SUCLG2: variants seen among roughly 807,000 people sequenced by gnomAD.
SUCLG2 encodes the protein succinate--CoA ligase [GDP-forming] subunit beta, mitochondrial.
Under a neutral mutation model 47.9 loss-of-function variants are expected in SUCLG2, and 42 were observed. The ratio of observed to expected loss-of-function variants is 0.88; its 90% CI spans 0.69 to 1.14. The LOEUF is 1.14. SUCLG2 is among the 50% of genes most tolerant of loss of function. SUCLG2 has a pLI of 0.00. For synonymous variants in SUCLG2, 195 were observed against 197.3 expected (o/e 0.99, Z 0.10); for missense variants, 571 against 525.9 (o/e 1.09, Z -0.84).
At chr3:67,413,962 G>GT (rs1702981524) in intron 9 of SUCLG2, among the ~76,000 whole-genome samples, 1 of 152,090 alleles carries the variant, frequency 6.6e-6, no homozygotes, top group African/African-American at 2.4e-5. Flanking sequence ...CCAAAAAATA[G>GT]TTTTTAACTT....
Position 67,418,280 on chromosome 3 carries a change from A to T in SUCLG2, c.1063-17429T>A, listed in dbSNP as rs559646275. On this transcript the variant is annotated intron_variant, in intron 9 of 10. Coordinates refer to ENST00000307227, the MANE Select transcript of SUCLG2 (RefSeq NM_003848.4). ...TGGTAAGTACTTATTAGCAGTCAGCAATTATTGCTACTCACTATTTACCTG... is the reference window on the plus strand; with the variant it reads ...TGGTAAGTACTTATTAGCAGTCAGCTATTATTGCTACTCACTATTTACCTG... Among the ~76,000 whole-genome samples, 5 of 152,306 alleles carry T rather than the reference A, an allele frequency of 3.3e-5. No individual in the cohort carries two copies. In the South Asian group the frequency reaches 1.0e-3, roughly 32 times the overall value.
At chr3:67,533,054 T>G (rs1445041620) in intron 2 of SUCLG2, among the ~76,000 whole-genome samples, 1 of 152,196 alleles carries the variant, frequency 6.6e-6, no homozygotes, top group African/African-American at 2.4e-5. Context: ...TAAAATGTGG[T>G]TCACTTAATT....
chr3:67,462,856 A>C (rs1250994584), intron 9 of SUCLG2, among the ~76,000 whole-genome samples: 1 of 152,188 alleles, frequency 6.6e-6, no homozygotes, highest in Non-Finnish European at 1.5e-5. Flanking sequence ...GATTATCTCC[A>C]GGTGGAGTGT....
At chr3:67,393,378 A>T (rs1002066177) in intron 10 of SUCLG2, among the ~76,000 whole-genome samples, 7 of 149,384 alleles carry the variant, frequency 4.7e-5, no homozygotes, top group African/African-American at 1.2e-4. Flanking sequence ...TATCCCGCAC[A>T]TGGCTCAGAG....
downstream of SUCLG2, among the ~76,000 whole-genome samples, chr3:67,374,058 T>A (rs1701988275): frequency 6.6e-6 from 1 of 152,220 alleles, no homozygotes; most frequent in Admixed American, 6.5e-5. Context: ...GATTCAAACA[T>A]AGTCCTCTTC....
chr3:67,552,983 C>A (rs1590874), intron 2 of SUCLG2, among the ~76,000 whole-genome samples: 39,229 of 152,082 alleles, frequency 0.26, 8,050 homozygotes, highest in African/African-American at 0.55. Context: ...AATCCACCCA[C>A]TAATCACATA....
intron 10 of SUCLG2, among the ~76,000 whole-genome samples, chr3:67,381,676 T>C (rs951928777): frequency 1.3e-5 from 2 of 152,184 alleles, no homozygotes; most frequent in African/African-American, 4.8e-5. Flanking sequence ...CTTCTTAATA[T>C]CTGCTTGTTG....
chr3:67,625,527 T>C (rs77971294), intron 1 of SUCLG2, among the ~76,000 whole-genome samples: 170 of 152,118 alleles, frequency 1.1e-3, no homozygotes, highest in African/African-American at 3.6e-3. Flanking sequence ...TCTAAACAAC[T>C]CTCCCTTATT....
downstream of SUCLG2, among the ~76,000 whole-genome samples, chr3:67,373,556 A>G (rs114397870): frequency 7.7e-3 from 1,170 of 152,256 alleles, 6 homozygotes; most frequent in Non-Finnish European, 0.013. Flanking sequence ...TTTATGGCCT[A>G]TATTTATTGT....
At position 67,395,248 on chromosome 3, in the gene SUCLG2, A is replaced by G. The variant is rs528972013; in HGVS notation, c.1183+5483T>C. Among the ~76,000 whole-genome samples the G allele has an allele frequency of 8.5e-3, 1,299 of 152,256 alleles. 15 individuals are homozygous for G. The highest frequency in any genetic ancestry group is 0.028 in the African/African-American group (1,180 of 41,526). Reference sequence around the variant, plus strand: ...CTGGCAAATTGGATAAAGAGTCAAGACCCATCAGTGTGCTGTATTCAGGAA... The same window carrying G: ...CTGGCAAATTGGATAAAGAGTCAAGGCCCATCAGTGTGCTGTATTCAGGAA... On this transcript the variant is annotated intron_variant, in intron 10 of 10. Coordinates refer to ENST00000307227, the MANE Select transcript of SUCLG2 (RefSeq NM_003848.4).
chr3:67,651,382 T>A (rs993322358), intron 1 of SUCLG2, among the ~76,000 whole-genome samples: 1 of 152,144 alleles, frequency 6.6e-6, no homozygotes, highest in Non-Finnish European at 1.5e-5. Flanking sequence ...TCTTTGCACT[T>A]GCTGTCTGCT....
chr3:67,461,617 C>T (rs992346990), intron 9 of SUCLG2, among the ~76,000 whole-genome samples: 3 of 151,818 alleles, frequency 2.0e-5, no homozygotes, highest in Admixed American at 6.6e-5. Flanking sequence ...AAACTAGTGT[C>T]ATTTTAGGCT....
At chr3:67,498,399 A>T in intron 7 of SUCLG2, 104 bp from the exon 8 acceptor site, 1 of 1,220,014 alleles carries the variant, frequency 8.2e-7, no homozygotes, top group Non-Finnish European at 1.1e-6. Flanking sequence ...AAGTACTGTC[A>T]TTTTTTTTCA....
At chr3:67,483,505 T>C (rs965363827) in intron 9 of SUCLG2, among the ~76,000 whole-genome samples, 2 of 152,192 alleles carry the variant, frequency 1.3e-5, no homozygotes, top group Non-Finnish European at 2.9e-5. Context: ...TATTTCAAAC[T>C]AGCAGACAGC....
chr3:67,537,085 G>T (rs1297651004), intron 2 of SUCLG2, among the ~76,000 whole-genome samples: 1 of 152,118 alleles, frequency 6.6e-6, no homozygotes, highest in Non-Finnish European at 1.5e-5. Context: ...GGATATATAT[G>T]CAGAGCCTGC....
chr3:67,367,619 T>C (rs1031639612), intron 10 of SUCLG2, among the ~76,000 whole-genome samples: 1 of 152,208 alleles, frequency 6.6e-6, no homozygotes, highest in Non-Finnish European at 1.5e-5. Flanking sequence ...GGGCAGACCC[T>C]GTGTTGTAGA....
intron 9 of SUCLG2, among the ~76,000 whole-genome samples, chr3:67,493,624 A>G (rs529920772): frequency 6.6e-6 from 1 of 152,322 alleles, no homozygotes; most frequent in South Asian, 2.1e-4. Flanking sequence ...TTCATCTCTC[A>G]GTGGCTCTCT....
intron 1 of SUCLG2, among the ~76,000 whole-genome samples, chr3:67,633,073 C>T (rs998103600): frequency 9.2e-5 from 14 of 152,190 alleles, no homozygotes; most frequent in Admixed American, 2.6e-4. Context: ...CCATTCTCAT[C>T]GCTAGAATCC....
At chr3:67,421,426 T>C (rs533779272) in intron 9 of SUCLG2, among the ~76,000 whole-genome samples, 2 of 152,284 alleles carry the variant, frequency 1.3e-5, no homozygotes, top group Non-Finnish European at 2.9e-5. Flanking sequence ...TAGCAGTCAG[T>C]TGGGAGACCT....
Sources: allele counts gnomAD v4.1 joint callset (sites outside exome capture counted in the v4.1 genomes callset), GRCh38; gene constraint gnomAD v4.1.1; transcripts MANE v1.5; gene names NCBI Gene and HGNC (gene_info 2026-07-23, HGNC 2026-07-21).